GAD2: variants seen among roughly 807,000 people sequenced by gnomAD.
GAD2 encodes the protein glutamate decarboxylase 2, also known as 65 kDa glutamic acid decarboxylase.
Under a neutral mutation model 80.1 loss-of-function variants are expected in GAD2, and 22 were observed. The ratio of observed to expected loss-of-function variants is 0.27; its 90% confidence interval spans 0.20 to 0.39. The LOEUF (loss-of-function observed/expected upper bound fraction) is 0.39. GAD2 is among the 10% of genes least tolerant of loss of function. The pLI, the probability that GAD2 is intolerant of heterozygous loss-of-function variation, is 1.00. For missense variants in GAD2, 624 were observed against 738.4 expected (o/e 0.85, Z 1.80); for synonymous variants, 274 against 256.9 (o/e 1.07, Z -0.64).
chr10:26,287,679 T>C (rs1472081854), intron 13 of GAD2, among the ~76,000 whole-genome samples: 1 of 152,204 alleles, frequency 6.6e-6, no homozygotes, highest in East Asian at 1.9e-4. Context: ...TGCAGTCTTA[T>C]GTGACAGTTT....
intron 4 of GAD2, among the ~76,000 whole-genome samples, chr10:26,219,882 A>G (rs1431869461): frequency 6.6e-6 from 1 of 152,130 alleles, no homozygotes; most frequent in African/African-American, 2.4e-5. Flanking sequence ...CATGTTATAT[A>G]AGGATGTGTG....
intron 12 of GAD2, among the ~76,000 whole-genome samples, 167 bp downstream of exon 12, chr10:26,281,254 G>T (rs1409285911): frequency 6.6e-6 from 1 of 152,172 alleles, no homozygotes; most frequent in African/African-American, 2.4e-5. Flanking sequence ...AAGGTCTGGT[G>T]CCTAACAGGG....
At chr10:26,243,372 G>A (rs551488672) in intron 7 of GAD2, among the ~76,000 whole-genome samples, 1 of 152,316 alleles carries the variant, frequency 6.6e-6, no homozygotes, top group South Asian at 2.1e-4. Flanking sequence ...ACAAAAGTGG[G>A]CATTCGAAGA....
Position 26,302,257 on chromosome 10 carries a change from G to C in GAD2, c.*1296G>C, listed in dbSNP as rs575817220. On this transcript the variant is annotated 3_prime_UTR_variant, in exon 16 of 16. Transcript: ENST00000376261. ...AAAATAGTTACTTTATATTCCATGG[G>C]TGGTTGTTTTTCTTCCATGAAATGA... is the stretch of plus-strand genomic sequence containing the variant. 1.3e-5 allele frequency: 2 copies of C among 152,024 alleles called. No individual in the cohort carries two copies. The highest frequency in any genetic ancestry group is 4.8e-5 in the African/African-American group (2 of 41,442). 9.4% of individuals were successfully genotyped at this position (152,024 alleles called of 1,614,324 possible).
rs558419733 is a variant in GAD2, at chr10:26,227,314, G to T, written c.725-2348G>T. ...TTCGTAGGAAATAAGAGCAGGTAGG[G>T]CTCACGCATTTGTCCTCATGCCTCT... is the stretch of plus-strand genomic sequence containing the variant. On this transcript the variant is annotated intron_variant, in intron 6 of 15. Transcript: ENST00000376261. 7.9e-5 allele frequency among the ~76,000 whole-genome samples: 12 copies of T among 152,300 alleles called. No homozygotes were observed. The South Asian group carries it at 2.5e-3, about 32-fold the overall frequency.
At chr10:26,273,783 T>TTTGGAAA (rs1187817121) in intron 11 of GAD2, 83 bp downstream of exon 11, 19 of 1,181,398 alleles carry the variant, frequency 1.6e-5, no homozygotes, top group Non-Finnish European at 2.4e-5. Flanking sequence ...TCCAGGAACT[T>TTTGGAAA]TTGGAATACT....
At chr10:26,238,104 G>A (rs1300818854) in intron 7 of GAD2, among the ~76,000 whole-genome samples, 1 of 152,006 alleles carries the variant, frequency 6.6e-6, no homozygotes, top group Non-Finnish European at 1.5e-5. Flanking sequence ...TGCCACTTGA[G>A]GTAAGGAGGG....
chr10:26,295,477 G>A (rs1277005948), intron 15 of GAD2, among the ~76,000 whole-genome samples: 1 of 141,798 alleles, frequency 7.1e-6, no homozygotes, highest in Non-Finnish European at 1.5e-5. Context: ...AAAGTATCAT[G>A]TCCAGGAACC....
intron 6 of GAD2, among the ~76,000 whole-genome samples, chr10:26,228,980 A>G (rs1029538170): frequency 6.6e-6 from 1 of 152,142 alleles, no homozygotes; most frequent in Non-Finnish European, 1.5e-5. Context: ...ATTTGAGGTC[A>G]GGAGTTTGAG....
At chr10:26,294,769 A>G (rs1834255166) in intron 15 of GAD2, among the ~76,000 whole-genome samples, 1 of 152,188 alleles carries the variant, frequency 6.6e-6, no homozygotes, top group Non-Finnish European at 1.5e-5. Context: ...TAGAGGTCGC[A>G]TTGGATAAGA....
At chr10:26,256,368 G>A (rs1346939222) in intron 8 of GAD2, among the ~76,000 whole-genome samples, 1 of 151,932 alleles carries the variant, frequency 6.6e-6, no homozygotes. Flanking sequence ...CACAATCACA[G>A]GCCAATTATG....
At chr10:26,292,677 G>T in intron 14 of GAD2, 105 bp downstream of exon 14, 1 of 935,758 alleles carries the variant, frequency 1.1e-6, no homozygotes, top group Non-Finnish European at 1.7e-6. Context: ...GACGATTACA[G>T]AGGGGAGCAG....
intron 15 of GAD2, among the ~76,000 whole-genome samples, chr10:26,297,345 G>A (rs1195038012): frequency 5.3e-5 from 8 of 152,172 alleles, no homozygotes; most frequent in African/African-American, 1.9e-4. Context: ...ATACATTTCT[G>A]TGATATCTTT....
intron 13 of GAD2, among the ~76,000 whole-genome samples, chr10:26,291,775 A>C (rs1834216364): frequency 6.6e-6 from 1 of 152,208 alleles, no homozygotes; most frequent in Non-Finnish European, 1.5e-5. Context: ...AAACAGCTCC[A>C]GTCCAAGACT....
At chr10:26,268,467 C>CA (rs398045927) in intron 8 of GAD2, among the ~76,000 whole-genome samples, 10,503 of 93,482 alleles carry the variant, frequency 0.11, 1,379 homozygotes, top group African/African-American at 0.31. Flanking sequence ...GACTCTGTCT[C>CA]AAAAAAAAAA....
chr10:26,231,218 G>A (rs1332889899), intron 7 of GAD2, among the ~76,000 whole-genome samples: 1 of 152,218 alleles, frequency 6.6e-6, no homozygotes, highest in East Asian at 1.9e-4. Context: ...GAGACAGGGA[G>A]GGAGGAAGGG....
In GAD2 at chr10:26,286,315, A is replaced by G. The variant is rs1050464801; in HGVS notation, c.1237-30A>G. The G allele has an allele frequency of 1.9e-6, 3 of 1,594,510 alleles. No homozygotes were observed. The African/African-American group carries it at 4.1e-5, about 22-fold the overall frequency. Reference sequence around the variant, plus strand: ...ATAAATCTAATAAGTAGTCAGTAGAATTTCCTAAATTTTCTCTTCTCTCTT... The same window carrying G: ...ATAAATCTAATAAGTAGTCAGTAGAGTTTCCTAAATTTTCTCTTCTCTCTT... On this transcript the variant is annotated intron_variant, in intron 12 of 15. Transcript: ENST00000376261.
chr10:26,274,865 G>T (rs938148184), intron 11 of GAD2, among the ~76,000 whole-genome samples: 6 of 152,226 alleles, frequency 3.9e-5, no homozygotes, highest in African/African-American at 1.4e-4. Context: ...GCCCATGTCA[G>T]AAGGGTCACT....
chr10:26,291,269 G>C (rs867609824), intron 13 of GAD2, among the ~76,000 whole-genome samples: 4 of 152,180 alleles, frequency 2.6e-5, no homozygotes, highest in East Asian at 1.9e-4. Context: ...CAAACTGTCA[G>C]GTCATTCCAA....
Sources: gnomAD v4.1 joint callset for allele counts (sites outside exome capture counted in the v4.1 genomes callset) on GRCh38, gnomAD v4.1.1 for gene constraint, MANE v1.5 for transcripts, NCBI Gene and HGNC (gene_info 2026-07-23, HGNC 2026-07-21) for gene names.